Variants in SGCZ observed in about 807,000 individuals in gnomAD.
SGCZ encodes sarcoglycan zeta, also known as zeta-sarcoglycan.
A neutral mutation model predicts 41.3 loss-of-function variants in SGCZ; 40 were observed. That is an observed-to-expected ratio of 0.97 (90% CI 0.75 to 1.26). SGCZ has a LOEUF of 1.26. Among genes scored for constraint, SGCZ ranks in the 50% most tolerant of loss-of-function variants. The pLI is 0.00. For missense variants in SGCZ, 552 were observed against 369.8 expected (o/e 1.49, Z -4.04); for synonymous variants, 206 against 137.5 (o/e 1.50, Z -3.49).
At chr8:14,689,629 G>T (rs770026149) in intron 1 of SGCZ, among the ~76,000 whole-genome samples, 1 of 152,108 alleles carries the variant, frequency 6.6e-6, no homozygotes, top group Non-Finnish European at 1.5e-5. Context: ...CTTACCAGTG[G>T]GAGTAATTTG....
intron 1 of SGCZ, among the ~76,000 whole-genome samples, chr8:14,971,340 T>C (rs1372858092): frequency 6.6e-6 from 1 of 152,156 alleles, no homozygotes; most frequent in African/African-American, 2.4e-5. Flanking sequence ...AATATCCTTG[T>C]TTTGTTCCTC....
At chr8:15,108,166 C>G (rs568881272) in intron 1 of SGCZ, among the ~76,000 whole-genome samples, 2 of 152,150 alleles carry the variant, frequency 1.3e-5, no homozygotes, top group Non-Finnish European at 2.9e-5. Flanking sequence ...GTTTTCCATG[C>G]GTTAATTTTG....
intron 1 of SGCZ, among the ~76,000 whole-genome samples, chr8:15,131,352 GC>G (rs2116973854): frequency 6.6e-6 from 1 of 152,196 alleles, no homozygotes; most frequent in African/African-American, 2.4e-5. Context: ...ATTCTCTCTT[GC>G]CTGCCGCCAT....
At chr8:14,300,725 T>C (rs1563244365) in intron 3 of SGCZ, among the ~76,000 whole-genome samples, 2 of 152,076 alleles carry the variant, frequency 1.3e-5, no homozygotes, top group African/African-American at 2.4e-5. Flanking sequence ...TGATGATTAG[T>C]GATGATCATT....
chr8:14,676,346 ATGTG>A (rs33909996), intron 1 of SGCZ, among the ~76,000 whole-genome samples: 492 of 149,410 alleles, frequency 3.3e-3, no homozygotes, highest in African/African-American at 0.011. Flanking sequence ...AATGAAATAG[ATGTG>A]TGTGTGTGTG....
chr8:14,254,233 C>T (rs1042755414), intron 3 of SGCZ, among the ~76,000 whole-genome samples: 3 of 152,100 alleles, frequency 2.0e-5, no homozygotes, highest in Admixed American at 6.6e-5. Flanking sequence ...AAAAATGTTA[C>T]ATTATAAAAT....
rs368754002 is a variant in SGCZ, at chr8:14,474,205, C to T, written c.234+80527G>A. Among the ~76,000 whole-genome samples the T allele has an allele frequency of 1.9e-4, 29 of 152,282 alleles. No homozygotes were observed. In the East Asian group the frequency reaches 4.1e-3, roughly 21 times the overall value. On this transcript the variant is annotated intron_variant, in intron 2 of 7. Transcript: ENST00000382080. ...ATTTTTTGCACTCACAACTGATGTA[C>T]TAAAGATACTCTGCTAAACACATGA...
chr8:14,112,784 C>G (rs942193004), intron 5 of SGCZ, among the ~76,000 whole-genome samples: 12 of 152,044 alleles, frequency 7.9e-5, no homozygotes, highest in Non-Finnish European at 1.8e-4. Context: ...CAGAATTATA[C>G]GATTATTTTT....
At chr8:14,936,077 C>T (rs1428287230) in intron 1 of SGCZ, among the ~76,000 whole-genome samples, 1 of 151,804 alleles carries the variant, frequency 6.6e-6, no homozygotes, top group Non-Finnish European at 1.5e-5. Context: ...TCAAAATTGC[C>T]ATCATTATAA....
chr8:15,094,494 T>G (rs575896398), intron 1 of SGCZ, among the ~76,000 whole-genome samples: 1 of 152,214 alleles, frequency 6.6e-6, no homozygotes, highest in South Asian at 2.1e-4. Context: ...GGGAATTCAG[T>G]GACAGAAAAG....
chr8:14,358,819 C>T (rs1803395940), intron 2 of SGCZ, among the ~76,000 whole-genome samples: 1 of 152,046 alleles, frequency 6.6e-6, no homozygotes, highest in African/African-American at 2.4e-5. Flanking sequence ...CCATCTTGGC[C>T]AGGCTGGTCT....
intron 2 of SGCZ, among the ~76,000 whole-genome samples, chr8:14,386,302 T>C (rs866070343): frequency 2.9e-5 from 4 of 138,522 alleles, no homozygotes; most frequent in Middle Eastern, 3.7e-3. Context: ...TGCATCATGG[T>C]AAAAAAAAAA....
At chr8:14,201,636 G>T (rs1222885929) in intron 4 of SGCZ, among the ~76,000 whole-genome samples, 4 of 152,122 alleles carry the variant, frequency 2.6e-5, no homozygotes, top group Admixed American at 2.6e-4. Context: ...CAGGGGAGTG[G>T]ATGCTAGGTT....
chr8:14,529,541 T>A (rs1261291642), intron 2 of SGCZ, among the ~76,000 whole-genome samples: 3 of 152,150 alleles, frequency 2.0e-5, no homozygotes, highest in Non-Finnish European at 4.4e-5. Flanking sequence ...TTAGCCCTCA[T>A]CTAGGATTGT....
chr8:14,346,738 TTAATA>T (rs1273686987), intron 2 of SGCZ, among the ~76,000 whole-genome samples: 1 of 152,120 alleles, frequency 6.6e-6, no homozygotes, highest in African/African-American at 2.4e-5. Context: ...AGACCATACT[TTAATA>T]TATTTAATAA....
intron 1 of SGCZ, among the ~76,000 whole-genome samples, chr8:15,206,194 C>T (rs889937855): frequency 3.9e-5 from 6 of 152,248 alleles, no homozygotes; most frequent in Admixed American, 1.3e-4. Flanking sequence ...AAGTTTAAAA[C>T]ATACCATCCT....
intron 1 of SGCZ, among the ~76,000 whole-genome samples, chr8:15,190,072 A>G (rs907771968): frequency 2.0e-5 from 3 of 152,094 alleles, no homozygotes; most frequent in South Asian, 2.1e-4. Flanking sequence ...TTCTCACCCA[A>G]TTCTGCATAT....
At chr8:14,395,838 G>A (rs1172926112) in intron 2 of SGCZ, among the ~76,000 whole-genome samples, 1 of 152,258 alleles carries the variant, frequency 6.6e-6, no homozygotes, top group Admixed American at 6.5e-5. Flanking sequence ...TAAATGAGTG[G>A]CTTCCAATAC....
chr8:14,884,347 G>A (rs981836940), intron 1 of SGCZ, among the ~76,000 whole-genome samples: 1 of 152,042 alleles, frequency 6.6e-6, no homozygotes, highest in African/African-American at 2.4e-5. Context: ...TTAAGGAACA[G>A]TGTGATATAA....
Sources: gnomAD v4.1 joint callset for allele counts (sites outside exome capture counted in the v4.1 genomes callset) on GRCh38, gnomAD v4.1.1 for gene constraint, MANE v1.5 for transcripts, NCBI Gene and HGNC (gene_info 2026-07-23, HGNC 2026-07-21) for gene names.